The following FOXO3 variants were observed in gnomAD, a reference collection of about 807,000 sequenced individuals.
FOXO3 encodes the protein forkhead box O3.
Under a neutral mutation model 41.9 loss-of-function variants are expected in FOXO3, and 4 were observed. The observed-to-expected ratio is 0.10, with a 90% CI of 0.05 to 0.22. The LOEUF (loss-of-function observed/expected upper bound fraction) is 0.22. Among genes scored for constraint, FOXO3 ranks in the 10% least tolerant of loss-of-function variants. The pLI is 1.00. For missense variants in FOXO3, 534 were observed against 906.8 expected (o/e 0.59, Z 5.28); for synonymous variants, 318 against 389.3 (o/e 0.82, Z 2.16).
intron 1 of FOXO3, among the ~76,000 whole-genome samples, chr6:108,602,984 TA>T (rs1777095313): frequency 6.6e-6 from 1 of 152,152 alleles, no homozygotes; most frequent in African/African-American, 2.4e-5. Context: ...ACTTGGAAAA[TA>T]TACTATATTT....
chr6:108,597,501 GC>G (rs1425227664), intron 1 of FOXO3, among the ~76,000 whole-genome samples: 1 of 152,090 alleles, frequency 6.6e-6, no homozygotes, highest in Admixed American at 6.5e-5. Flanking sequence ...TCCCCATGCT[GC>G]CTTGTGGTAT....
intron 1 of FOXO3, among the ~76,000 whole-genome samples, chr6:108,583,532 T>C (rs904573995): frequency 2.0e-5 from 3 of 152,174 alleles, no homozygotes; most frequent in Non-Finnish European, 4.4e-5. Context: ...GCAAGAGAAA[T>C]TTGCAGTTTC....
chr6:108,636,809 A>T (rs1483635047), intron 1 of FOXO3, among the ~76,000 whole-genome samples: 1 of 152,134 alleles, frequency 6.6e-6, no homozygotes, highest in Non-Finnish European at 1.5e-5. Context: ...GAAGGACTTC[A>T]TGTTCTGTGT....
At chr6:108,572,135 CTTG>C (rs1334635025) in intron 1 of FOXO3, among the ~76,000 whole-genome samples, 1 of 152,048 alleles carries the variant, frequency 6.6e-6, no homozygotes, top group African/African-American at 2.4e-5. Context: ...TATGGCCGTG[CTTG>C]TTGATTGTGG....
chr6:108,587,722 G>A (rs906655686), intron 1 of FOXO3, among the ~76,000 whole-genome samples: 3 of 152,150 alleles, frequency 2.0e-5, no homozygotes, highest in Non-Finnish European at 4.4e-5. Context: ...GAAACCCTTG[G>A]CAAAATGTTT....
chr6:108,660,486 TC>T (rs1228069607), intron 1 of FOXO3, among the ~76,000 whole-genome samples: 2 of 152,224 alleles, frequency 1.3e-5, no homozygotes, highest in African/African-American at 4.8e-5. Flanking sequence ...TTATTGCCTA[TC>T]CTGAACTACA....
intron 1 of FOXO3, among the ~76,000 whole-genome samples, chr6:108,662,685 G>T (rs1778904072): frequency 6.6e-6 from 1 of 152,116 alleles, no homozygotes; most frequent in African/African-American, 2.4e-5. Context: ...GTGGAGGAGG[G>T]GACCATGAGA....
chr6:108,562,857 T>C (rs1315106803), intron 1 of FOXO3, among the ~76,000 whole-genome samples: 1 of 152,210 alleles, frequency 6.6e-6, no homozygotes, highest in East Asian at 1.9e-4. Flanking sequence ...GCTGCTGATA[T>C]CCAGCTGCTT....
At chr6:108,646,737 G>C (rs1423911330) in intron 1 of FOXO3, among the ~76,000 whole-genome samples, 1 of 152,190 alleles carries the variant, frequency 6.6e-6, no homozygotes, top group African/African-American at 2.4e-5. Flanking sequence ...TTTAGTGCTG[G>C]AAGAATGTCT....
At chr6:108,605,413 A>G (rs1018132675) in intron 1 of FOXO3, among the ~76,000 whole-genome samples, 1 of 152,186 alleles carries the variant, frequency 6.6e-6, no homozygotes, top group African/African-American at 2.4e-5. Context: ...CACCGCGCCC[A>G]GTCCTACTAT....
chr6:108,623,941 T>C (rs1777742019), intron 1 of FOXO3, among the ~76,000 whole-genome samples: 1 of 152,236 alleles, frequency 6.6e-6, no homozygotes, highest in Non-Finnish European at 1.5e-5. Context: ...GAGAAATTCG[T>C]ATTTCTCAGC....
At chr6:108,660,910 A>G (rs1732998881) in intron 1 of FOXO3, among the ~76,000 whole-genome samples, 1 of 151,892 alleles carries the variant, frequency 6.6e-6, no homozygotes, top group African/African-American at 2.4e-5. Flanking sequence ...AATACAAAAA[A>G]TTAGCTGGGC....
chr6:108,611,850 A>AAC (rs1777374977), intron 1 of FOXO3, among the ~76,000 whole-genome samples: 1 of 152,160 alleles, frequency 6.6e-6, no homozygotes, highest in East Asian at 1.9e-4. Flanking sequence ...CCTAACAACT[A>AAC]AAGAGCTAAG....
chr6:108,666,704 G>T (rs114434318), intron 2 of FOXO3, among the ~76,000 whole-genome samples: 1 of 151,418 alleles, frequency 6.6e-6, no homozygotes, highest in Non-Finnish European at 1.5e-5. Flanking sequence ...TCTCTAGCTG[G>T]TTAGAAAAAA....
At chr6:108,658,059 T>G (rs138214272) in intron 1 of FOXO3, among the ~76,000 whole-genome samples, 170 of 152,268 alleles carry the variant, frequency 1.1e-3, no homozygotes, top group African/African-American at 4.0e-3. Context: ...ATGCACAGGT[T>G]TAGTTATATG....
At chr6:108,661,066 A>G (rs1349798720) in intron 1 of FOXO3, among the ~76,000 whole-genome samples, 3 of 151,730 alleles carry the variant, frequency 2.0e-5, no homozygotes, top group Non-Finnish European at 4.4e-5. Flanking sequence ...TCTCAAATAA[A>G]AAAAAGAAAA....
At position 108,683,008 on chromosome 6, in the gene FOXO3, C is replaced by G. The variant is rs1239206756; in HGVS notation, c.*3216C>G. ...AGCTTTATCACAAGCCTTCACTGTCCTGGCATGAGAACTGGCTGCCAGGCT... is the reference window on the plus strand; with the variant it reads ...AGCTTTATCACAAGCCTTCACTGTCGTGGCATGAGAACTGGCTGCCAGGCT... On this transcript the variant is annotated 3_prime_UTR_variant, in exon 3 of 3. Transcript: ENST00000406360. 1.3e-5 allele frequency: 2 copies of G among 152,646 alleles called. No individual in the cohort carries two copies. The highest frequency in any genetic ancestry group is 4.8e-5 in the African/African-American group (2 of 41,462). The allele number at this position is 152,646 out of a possible 1,614,324, so 9.5% of individuals were successfully genotyped here.
chr6:108,678,541 C>T (rs889743459), intron 2 of FOXO3, among the ~76,000 whole-genome samples: 1 of 150,186 alleles, frequency 6.7e-6, no homozygotes. Context: ...CCAGTGGTCA[C>T]ATGACATCTG....
intron 1 of FOXO3, among the ~76,000 whole-genome samples, chr6:108,564,288 C>T (rs1775894727): frequency 6.6e-6 from 1 of 152,182 alleles, no homozygotes; most frequent in African/African-American, 2.4e-5. Context: ...TAATAGGCAA[C>T]CTTTTTTTGT....
Sources: allele counts gnomAD v4.1 joint callset (sites outside exome capture counted in the v4.1 genomes callset), GRCh38; gene constraint gnomAD v4.1.1; transcripts MANE v1.5; gene names NCBI Gene and HGNC (gene_info 2026-07-23, HGNC 2026-07-21).